Variants in LRRC1 observed in about 807,000 individuals in gnomAD.
LRRC1 encodes the protein leucine rich repeat containing 1.
LRRC1 carries 28 observed loss-of-function variants against 69.9 expected under a neutral mutation model. That is an observed-to-expected ratio of 0.40 (90% CI 0.30 to 0.55). The LOEUF is 0.55. Ranked by LOEUF, LRRC1 falls within the 20% of genes least tolerant of loss-of-function variation. The pLI, the probability that LRRC1 is intolerant of heterozygous loss-of-function variation, is 0.47. For missense variants in LRRC1, 498 were observed against 609.0 expected (o/e 0.82, Z 1.92); for synonymous variants, 236 against 240.2 (o/e 0.98, Z 0.16).
At chr6:53,918,206 G>A (rs2127442739) in intron 11 of LRRC1, among the ~76,000 whole-genome samples, 1 of 152,300 alleles carries the variant, frequency 6.6e-6, no homozygotes, top group East Asian at 1.9e-4. Context: ...TTTAACATAA[G>A]CAGTTCTCGT....
chr6:53,852,196 C>T (rs960265284), intron 2 of LRRC1, among the ~76,000 whole-genome samples: 1 of 152,144 alleles, frequency 6.6e-6, no homozygotes, highest in Non-Finnish European at 1.5e-5. Context: ...GTAAATACCT[C>T]CACTAAATTA....
intron 1 of LRRC1, among the ~76,000 whole-genome samples, chr6:53,838,383 G>A (rs1765672182): frequency 6.6e-6 from 1 of 152,172 alleles, no homozygotes; most frequent in Non-Finnish European, 1.5e-5. Flanking sequence ...ATGCTGTTAT[G>A]ACTTCTATTG....
chr6:53,816,645 TA>T (rs1438747756), intron 1 of LRRC1, among the ~76,000 whole-genome samples: 1 of 152,188 alleles, frequency 6.6e-6, no homozygotes, highest in Admixed American at 6.5e-5. Context: ...AATCACAGGT[TA>T]AAGTTTCTTA....
chr6:53,919,821 C>T (rs567987628), intron 12 of LRRC1, 151 bp downstream of exon 12: 28 of 592,068 alleles, frequency 4.7e-5, no homozygotes, highest in Admixed American at 6.0e-5. Flanking sequence ...GGGACTCTTC[C>T]GGGAAGGTTA....
chr6:53,856,971 C>T (rs1421198155), intron 2 of LRRC1, among the ~76,000 whole-genome samples: 2 of 152,114 alleles, frequency 1.3e-5, no homozygotes, highest in African/African-American at 4.8e-5. Flanking sequence ...TTCCCACTTC[C>T]CACCACAGGT....
Position 53,922,682 on chromosome 6 carries a change from C to A in LRRC1, c.1464C>A (p.His488Gln). The A allele has an allele frequency of 6.2e-7, 1 of 1,614,068 alleles. No individual in the cohort carries two copies. The highest frequency in any genetic ancestry group is 8.5e-7 in the Non-Finnish European group (1 of 1,179,972). ...RATPHPGELK[H>Q]MKKTVENLRN... ...CTCCACACCCAGGGGAGTTAAAGCA[C>A]ATGAAAAAGACAGTGGAGAATTTAC... Residue 488 changes from histidine (H) to glutamine (Q), a missense_variant, in exon 14 of 14, where the codon CAC becomes CAA. This residue lies in a region of LRRC1 where 162 missense variants were observed against 162.9 expected (regional missense o/e 0.99). Coordinates refer to ENST00000370888, the MANE Select transcript of LRRC1 (RefSeq NM_018214.5).
chr6:53,903,505 ACTTTTCT>A (rs1239924668), intron 9 of LRRC1, among the ~76,000 whole-genome samples: 2 of 150,138 alleles, frequency 1.3e-5, no homozygotes, highest in South Asian at 2.1e-4. Flanking sequence ...TTACTCTCCT[ACTTTTCT>A]CTTTTCTCCA....
intron 8 of LRRC1, among the ~76,000 whole-genome samples, chr6:53,900,182 C>T (rs1427385853): frequency 2.6e-5 from 4 of 151,952 alleles, no homozygotes; most frequent in South Asian, 2.1e-4. Flanking sequence ...GGACCACAGG[C>T]GCCCGCCACC....
At chr6:53,900,183 G>A (rs9370241) in intron 8 of LRRC1, among the ~76,000 whole-genome samples, 33,418 of 151,628 alleles carry the variant, frequency 0.22, 3,999 homozygotes, top group East Asian at 0.49. Context: ...GACCACAGGC[G>A]CCCGCCACCA....
At chr6:53,841,735 A>G (rs556059544) in intron 1 of LRRC1, among the ~76,000 whole-genome samples, 97 of 152,200 alleles carry the variant, frequency 6.4e-4, no homozygotes, top group African/African-American at 2.3e-3. Flanking sequence ...TTTAAATAAT[A>G]TTTTTAAAAG....
At chr6:53,897,780 G>A (rs1767924458) in intron 7 of LRRC1, among the ~76,000 whole-genome samples, 1 of 152,170 alleles carries the variant, frequency 6.6e-6, no homozygotes, top group Non-Finnish European at 1.5e-5. Context: ...AATGTTAAAT[G>A]CTTTTATTTC....
chr6:53,829,750 G>A (rs1765376323), intron 1 of LRRC1, among the ~76,000 whole-genome samples: 1 of 152,162 alleles, frequency 6.6e-6, no homozygotes, highest in South Asian at 2.1e-4. Context: ...AGCTACCTCA[G>A]AAAATTGTCC....
chr6:53,803,363 A>G (rs1764541328), intron 1 of LRRC1, among the ~76,000 whole-genome samples: 1 of 152,142 alleles, frequency 6.6e-6, no homozygotes, highest in Non-Finnish European at 1.5e-5. Flanking sequence ...AAGTTCACCT[A>G]TTTTAGGACT....
intron 7 of LRRC1, among the ~76,000 whole-genome samples, chr6:53,897,739 T>A (rs1034328755): frequency 1.3e-5 from 2 of 152,198 alleles, no homozygotes; most frequent in South Asian, 2.1e-4. Context: ...AATTTGACCA[T>A]GTTTTGCCCC....
intron 4 of LRRC1, among the ~76,000 whole-genome samples, chr6:53,892,041 CACACACAT>C (rs1205998437): frequency 6.6e-6 from 1 of 150,460 alleles, no homozygotes; most frequent in Non-Finnish European, 1.5e-5. Context: ...CACACACACA[CACACACAT>C]ACACATAAAA....
chr6:53,900,053 T>TTTTTTC (rs1768007874), intron 8 of LRRC1, among the ~76,000 whole-genome samples, 162 bp downstream of exon 8: 1 of 116,832 alleles, frequency 8.6e-6, no homozygotes, highest in African/African-American at 3.6e-5. Flanking sequence ...TTTTTTTTTT[T>TTTTTTC]CTGAGATGGA....
intron 1 of LRRC1, among the ~76,000 whole-genome samples, chr6:53,810,067 A>G (rs1421781747): frequency 2.0e-5 from 3 of 152,186 alleles, no homozygotes; most frequent in Non-Finnish European, 2.9e-5. Context: ...CAGGTAGGCA[A>G]AGAATAGTTG....
At chr6:53,807,749 A>G (rs1238775983) in intron 1 of LRRC1, among the ~76,000 whole-genome samples, 1 of 4,734 alleles carries the variant, frequency 2.1e-4, no homozygotes, top group Non-Finnish European at 7.0e-4. Context: ...CCGTGTCGTC[A>G]ACAACAACAA....
At chr6:53,843,834 T>A (rs1765859842) in intron 2 of LRRC1, among the ~76,000 whole-genome samples, 1 of 152,214 alleles carries the variant, frequency 6.6e-6, no homozygotes, top group Non-Finnish European at 1.5e-5. Context: ...TGTGGTGGCC[T>A]CTTTTTGTGA....
Sources: gnomAD v4.1 joint callset for allele counts (sites outside exome capture counted in the v4.1 genomes callset) on GRCh38, gnomAD v4.1.1 for gene constraint, gnomAD v4.1.1 regional missense constraint, MANE v1.5 for transcripts, NCBI Gene and HGNC (gene_info 2026-07-23, HGNC 2026-07-21) for gene names.